RPS24: variants seen among roughly 807,000 people sequenced by gnomAD.
The protein encoded by RPS24 is small ribosomal subunit protein eS24.
For missense variants in RPS24, 100 were observed against 162.5 expected, an observed-to-expected ratio of 0.62 and a Z score of 2.09; for synonymous variants, 72 against 55.6, an observed-to-expected ratio of 1.30 and a Z score of -1.31.
intron 4 of RPS24, 160 bp downstream of exon 4, chr10:78,037,464 G>GC: frequency 3.3e-6 from 4 of 1,229,210 alleles, no homozygotes; most frequent in Non-Finnish European, 4.4e-6. Flanking sequence ...AAGAAACTAT[G>GC]TAGCATAGTG....
At chr10:78,034,688 A>G (rs1223951752) in intron 1 of RPS24, among the ~76,000 whole-genome samples, 1 of 152,254 alleles carries the variant, frequency 6.6e-6, no homozygotes, top group African/African-American at 2.4e-5. Context: ...TTAGGTATTA[A>G]GTAAAGGTGC....
At chr10:78,036,431 G>C (rs1191899545) in intron 3 of RPS24, 1 of 153,954 alleles carries the variant, frequency 6.5e-6, no homozygotes, top group Non-Finnish European at 1.4e-5. Flanking sequence ...TGAGCTTCCT[G>C]AGTAGCTGGG....
chr10:78,035,501 C>G lies in RPS24; in HGVS notation c.70-10C>G, dbSNP rs1345822997. On this transcript the variant is annotated splice_polypyrimidine_tract_variant and intron_variant, in intron 2 of 5. Transcript: ENST00000372360. ...TCATACTGAATGCTAAACTTGATAT[C>G]TCCTTTTAGGTCATTGATGTCCTTC... is the stretch of plus-strand genomic sequence containing the variant. 2 of 1,613,732 alleles carry G rather than the reference C, an allele frequency of 1.2e-6. No homozygotes were observed. The highest frequency in any genetic ancestry group is 1.3e-5 in the African/African-American group (1 of 74,898).
chr10:78,048,870 A>T (rs1226366032), intron 4 of RPS24: 1 of 129,290 alleles, frequency 7.7e-6, no homozygotes, highest in African/African-American at 3.6e-5. Flanking sequence ...GCGAGAGTCC[A>T]TCTCAAAAAA....
exon 5 of RPS24, chr10:78,055,105 G>A (rs1423505183): frequency 2.1e-5 from 30 of 1,434,728 alleles, no homozygotes; most frequent in Admixed American, 2.0e-4. Flanking sequence ...TGTGGAAATC[G>A]GAGTCACATG....
downstream of RPS24, among the ~76,000 whole-genome samples, chr10:78,044,744 AG>A (rs1431914958): frequency 6.7e-6 from 1 of 150,290 alleles, no homozygotes; most frequent in Non-Finnish European, 1.5e-5. Flanking sequence ...GAAGCTGGAG[AG>A]GTCAGCGGAG....
chr10:78,052,632 T>C (rs1848110534), intron 4 of RPS24, among the ~76,000 whole-genome samples: 1 of 152,178 alleles, frequency 6.6e-6, no homozygotes, highest in African/African-American at 2.4e-5. Context: ...TTCTAGGGGT[T>C]ATGTTGGATT....
exon 5 of RPS24, chr10:78,054,675 T>C: frequency 1.3e-6 from 2 of 1,551,656 alleles, no homozygotes; most frequent in Middle Eastern, 1.7e-4. Flanking sequence ...CGTGTGGACA[T>C]GTGGCAGATT....
At position 78,050,787 on chromosome 10, in the gene RPS24, CT is replaced by C. The variant is rs991880413; in HGVS notation, c.391-3735del. Among the ~76,000 whole-genome samples, 283 of 151,232 alleles carry C rather than the reference CT, an allele frequency of 1.9e-3. 1 individual carries two copies. Among genetic ancestry groups the C allele is most frequent in the African/African-American group, 5.9e-3 (243 of 41,304 alleles). Reference sequence around the variant, plus strand: ...CACCAGGCCCAGCTACTTTTTTTTTCTTTTTTTTTAGTTTTTGTAGAGACAG... The same window carrying C: ...CACCAGGCCCAGCTACTTTTTTTTTCTTTTTTTTAGTTTTTGTAGAGACAG... On this transcript the variant is annotated intron_variant, in intron 4 of 4. Coordinates refer to the RPS24 transcript ENST00000440692.
At chr10:78,043,946 C>G (rs59653875), downstream of RPS24, among the ~76,000 whole-genome samples, 9,550 of 146,530 alleles carry the variant, frequency 0.065, 512 homozygotes, top group East Asian at 0.24. Flanking sequence ...GTCACCATGC[C>G]TACGTCATTT....
rs967807731 is a variant in RPS24, at chr10:78,054,381, C to T, written c.391-150C>T. On this transcript the variant is annotated intron_variant, in intron 4 of 4. Transcript: ENST00000440692. ...GGCTTTTACAGCCCTCCCAAGTGCC[C>T]TTCCTTCAAGCTTTGGCTCTGACTG... is the stretch of plus-strand genomic sequence containing the variant. The T allele has an allele frequency of 1.4e-5, 10 of 735,924 alleles. No homozygotes were observed. In the African/African-American group the frequency reaches 1.6e-4, roughly 12 times the overall value. 45.6% of individuals were successfully genotyped at this position (735,924 alleles called of 1,614,324 possible).
chr10:78,051,944 C>A (rs888010660), intron 4 of RPS24, among the ~76,000 whole-genome samples: 1 of 152,064 alleles, frequency 6.6e-6, no homozygotes, highest in African/African-American at 2.4e-5. Flanking sequence ...GTTTATATAT[C>A]CTGGATGCAA....
At chr10:78,051,077 C>T (rs2131993387) in intron 4 of RPS24, among the ~76,000 whole-genome samples, 1 of 152,266 alleles carries the variant, frequency 6.6e-6, no homozygotes. Flanking sequence ...GTAATCCCAG[C>T]TACTTGGGAG....
chr10:78,038,112 C>A, intron 4 of RPS24: 1 of 462,984 alleles, frequency 2.2e-6, no homozygotes, highest in Non-Finnish European at 3.7e-6. Flanking sequence ...GCTATTTAGG[C>A]TGGTGCAAAA....
At chr10:78,034,875 A>G (rs1358208480) in intron 1 of RPS24, among the ~76,000 whole-genome samples, 1 of 152,248 alleles carries the variant, frequency 6.6e-6, no homozygotes, top group Admixed American at 6.5e-5. Flanking sequence ...ACCCCAGAGA[A>G]GTGATTCTCA....
intron 4 of RPS24, among the ~76,000 whole-genome samples, chr10:78,048,308 A>G (rs1848065476): frequency 6.6e-6 from 1 of 151,962 alleles, no homozygotes; most frequent in Non-Finnish European, 1.5e-5. Flanking sequence ...AATTTATACC[A>G]TGTTCTCTTT....
intron 4 of RPS24, among the ~76,000 whole-genome samples, chr10:78,052,665 A>T (rs923261485): frequency 6.6e-6 from 1 of 152,138 alleles, no homozygotes; most frequent in Non-Finnish European, 1.5e-5. Context: ...GGAGGAGTCT[A>T]CTCAGACAAG....
chr10:78,048,558 G>A (rs1035077124), intron 4 of RPS24, among the ~76,000 whole-genome samples: 1 of 152,132 alleles, frequency 6.6e-6, no homozygotes, highest in Admixed American at 6.5e-5. Context: ...TCCCACCGTC[G>A]ATGATGATAT....
chr10:78,047,239 T>A (rs1342499162), intron 4 of RPS24, among the ~76,000 whole-genome samples: 1 of 152,028 alleles, frequency 6.6e-6, no homozygotes, highest in Non-Finnish European at 1.5e-5. Context: ...GTGCTGGGAT[T>A]ATAGGTGTGA....
Sources: allele counts gnomAD v4.1 joint callset (sites outside exome capture counted in the v4.1 genomes callset), GRCh38; gene constraint gnomAD v4.1.1; transcripts MANE v1.5; gene names NCBI Gene and HGNC (gene_info 2026-07-23, HGNC 2026-07-21).